Variants in RASA3 observed in about 807,000 individuals in gnomAD.
RASA3 encodes ras GTPase-activating protein 3.
In RASA3, 73 loss-of-function variants were observed where a neutral mutation model predicts 110.0. That is an observed-to-expected ratio of 0.66 (90% CI 0.55 to 0.81). The LOEUF (loss-of-function observed/expected upper bound fraction) is 0.81, where lower values mean the gene tolerates loss of function less well. Among genes scored for constraint, RASA3 ranks in the 30% least tolerant of loss-of-function variants. The pLI, the probability that RASA3 is intolerant of heterozygous loss-of-function variation, is 0.00. For missense variants in RASA3, 976 were observed against 1,113.2 expected (o/e 0.88, Z 1.75); for synonymous variants, 500 against 451.4 (o/e 1.11, Z -1.37).
At chr13:114,126,941 G>A (rs1032064520) in intron 1 of RASA3, among the ~76,000 whole-genome samples, 1 of 152,142 alleles carries the variant, frequency 6.6e-6, no homozygotes, top group Non-Finnish European at 1.5e-5. Context: ...CGTCTCCCCC[G>A]AGGGCCCCCA....
intron 2 of RASA3, among the ~76,000 whole-genome samples, chr13:114,060,383 T>A (rs1444527914): frequency 6.6e-6 from 1 of 152,138 alleles, no homozygotes; most frequent in East Asian, 1.9e-4. Flanking sequence ...CTGTCTCAGG[T>A]CAGCAGCCAG....
intron 4 of RASA3, among the ~76,000 whole-genome samples, chr13:114,039,934 G>C (rs997672813): frequency 6.6e-6 from 1 of 152,224 alleles, no homozygotes; most frequent in Admixed American, 6.5e-5. Context: ...CGGGAGACCA[G>C]AACGCTCTTT....
In RASA3 at chr13:114,114,944, G is replaced by C. The variant is rs1465038117; in HGVS notation, c.55+17491C>G. Among the ~76,000 whole-genome samples, 3 of 151,800 alleles carry C rather than the reference G, an allele frequency of 2.0e-5. No individual in the cohort carries two copies. The highest frequency in any genetic ancestry group is 7.3e-5 in the African/African-American group (3 of 41,278). ...CTGGCCGTGGGTGAAAGCACCCCCA[G>C]CCCCACCCCCAGCTGTGAGATGCTG... On this transcript the variant is annotated intron_variant, in intron 1 of 23. Coordinates refer to ENST00000334062, the MANE Select transcript of RASA3 (RefSeq NM_007368.4). The surrounding 1 kb of genome is among the most constrained non-coding windows in gnomAD (Gnocchi z 4.8).
At chr13:113,993,228 C>T (rs983088059) in intron 21 of RASA3, among the ~76,000 whole-genome samples, 3 of 152,098 alleles carry the variant, frequency 2.0e-5, no homozygotes, top group South Asian at 2.1e-4. Context: ...CAGGCTGGAG[C>T]GCGGTGGCAC....
In RASA3 at chr13:114,024,170, T is replaced by C. The variant is rs909457932; in HGVS notation, c.680+109A>G. On this transcript the variant is annotated intron_variant, in intron 8 of 23. Coordinates refer to ENST00000334062, the MANE Select transcript of RASA3 (RefSeq NM_007368.4). ...CCTGTTGTGAAAATTACCAAGAAAA[T>C]GGAAATTCATTTCTATCTATGACCC... 17 of 1,126,670 alleles carry C rather than the reference T, an allele frequency of 1.5e-5. No homozygotes were observed. The African/African-American group carries it at 1.9e-4, about 12-fold the overall frequency. 69.8% of individuals were successfully genotyped at this position (1,126,670 alleles called of 1,614,324 possible). A position where few individuals can be genotyped will look rare whatever the true frequency, so the allele number is the denominator to read the frequency against.
In RASA3 at chr13:113,979,182, T is replaced by C. The variant is rs1594265333; in HGVS notation, c.*165A>G. 1.5e-6 allele frequency: 1 copy of C among 646,380 alleles called. No individual in the cohort carries two copies. Among genetic ancestry groups the C allele is most frequent in the Non-Finnish European group, 2.7e-6 (1 of 367,032 alleles). The allele number at this position is 646,380 out of a possible 1,614,324, so 40.0% of individuals were successfully genotyped here. ...CTTTCTGCGGAGGGCGTGGCGGTGG[T>C]GGCAGCGGTTCTGGGAGAGGGAAAC... is the stretch of plus-strand genomic sequence containing the variant. On this transcript the variant is annotated 3_prime_UTR_variant, in exon 24 of 24. Coordinates refer to ENST00000334062, the MANE Select transcript of RASA3 (RefSeq NM_007368.4).
At position 114,072,541 on chromosome 13, in the gene RASA3, T is replaced by C. The variant is rs1199063627; in HGVS notation, c.173+1179A>G. 2.6e-4 allele frequency among the ~76,000 whole-genome samples: 39 copies of C among 152,296 alleles called. 1 individual carries two copies. The highest frequency in any genetic ancestry group is 2.9e-5 in the Non-Finnish European group (2 of 68,034). ...TTCTCAGTATTTCCCCCTCTCGAAA[T>C]CCTTAATTTGTACTCTTTTGTGGAG... is the stretch of plus-strand genomic sequence containing the variant. On this transcript the variant is annotated intron_variant, in intron 2 of 23. Coordinates refer to ENST00000334062, the MANE Select transcript of RASA3 (RefSeq NM_007368.4).
chr13:114,058,903 A>G lies in RASA3; in HGVS notation c.174-6748T>C, dbSNP rs1001265568. 1.4e-4 allele frequency among the ~76,000 whole-genome samples: 21 copies of G among 152,224 alleles called. 1 individual carries two copies. Among genetic ancestry groups the G allele is most frequent in the African/African-American group, 5.1e-4 (21 of 41,452 alleles). ...GAAGAACTTCCCTAAGCTCTTTTAA[A>G]TACCTGCATCCAGGCCAGATGCAGT... On this transcript the variant is annotated intron_variant, in intron 2 of 23. Transcript: ENST00000334062.
At chr13:114,079,928 C>T (rs934383531) in intron 1 of RASA3, among the ~76,000 whole-genome samples, 1 of 152,234 alleles carries the variant, frequency 6.6e-6, no homozygotes, top group African/African-American at 2.4e-5. Flanking sequence ...GGGGGGGCCC[C>T]GAGGCAGGGG....
intron 22 of RASA3, among the ~76,000 whole-genome samples, chr13:113,990,038 C>T (rs1392592523): frequency 1.3e-5 from 2 of 152,066 alleles, no homozygotes; most frequent in East Asian, 1.9e-4. Flanking sequence ...TGAGTTCTCA[C>T]GAGGTCTGGT....
chr13:114,125,081 T>C (rs1166147659), intron 1 of RASA3, among the ~76,000 whole-genome samples: 3 of 151,886 alleles, frequency 2.0e-5, no homozygotes, highest in Non-Finnish European at 4.4e-5. Flanking sequence ...TTCTAGGGGG[T>C]GGTGTTGGGC....
At chr13:113,979,567 G>T (rs546215590) in intron 23 of RASA3, 145 bp from the exon 24 acceptor site, 1 of 713,764 alleles carries the variant, frequency 1.4e-6, no homozygotes, top group Non-Finnish European at 2.5e-6. Flanking sequence ...AGGAACCACA[G>T]TGCCCCCGGA....
intron 1 of RASA3, among the ~76,000 whole-genome samples, chr13:114,125,724 T>C (rs191859892): frequency 5.9e-4 from 90 of 152,262 alleles, no homozygotes; most frequent in East Asian, 4.6e-3. Context: ...TCACCTATGG[T>C]TCAAAGCTAG....
intron 23 of RASA3, among the ~76,000 whole-genome samples, chr13:113,980,075 GTGTGC>G: frequency 1.1e-5 from 1 of 93,992 alleles, no homozygotes; most frequent in Non-Finnish European, 2.4e-5. Flanking sequence ...CCTCCCATGT[GTGTGC>G]ACCACCTCCC....
intron 18 of RASA3, among the ~76,000 whole-genome samples, chr13:114,002,585 T>G (rs924409564): frequency 9.9e-5 from 15 of 152,176 alleles, no homozygotes; most frequent in African/African-American, 3.6e-4. Flanking sequence ...AGCAGTTAGA[T>G]TTGAGTAGCA....
chr13:114,000,682 G>A (rs1448289679), intron 19 of RASA3, 144 bp downstream of exon 19: 2 of 637,620 alleles, frequency 3.1e-6, no homozygotes, highest in Non-Finnish European at 5.5e-6. Flanking sequence ...ACCAGAAGCA[G>A]AGGGCTCTGG....
chr13:114,054,988 G>C (rs958228897), intron 2 of RASA3, among the ~76,000 whole-genome samples: 1 of 151,714 alleles, frequency 6.6e-6, no homozygotes, highest in African/African-American at 2.4e-5. Flanking sequence ...ATGGGTGTGT[G>C]CACGTGTGTG....
At chr13:114,122,688 G>T (rs1357575134) in intron 1 of RASA3, among the ~76,000 whole-genome samples, 1 of 152,236 alleles carries the variant, frequency 6.6e-6, no homozygotes. Context: ...CAGCATTCAG[G>T]AGAACCAGTG....
At chr13:114,098,974 A>G (rs1331541843) in intron 1 of RASA3, among the ~76,000 whole-genome samples, 2 of 149,000 alleles carry the variant, frequency 1.3e-5, no homozygotes, top group East Asian at 2.0e-4. Flanking sequence ...AGCCCCCCAG[A>G]CCACAGCAGT....
Sources: allele counts gnomAD v4.1 joint callset (sites outside exome capture counted in the v4.1 genomes callset), GRCh38; gene constraint gnomAD v4.1.1; non-coding constraint Gnocchi (gnomAD v3.1); transcripts MANE v1.5; gene names NCBI Gene and HGNC (gene_info 2026-07-23, HGNC 2026-07-21).